TECTA: variants seen among roughly 807,000 people sequenced by gnomAD.
TECTA encodes the protein alpha-tectorin.
In TECTA, 128 loss-of-function variants were observed where a neutral mutation model predicts 216.8. The observed-to-expected ratio is 0.59, with a 90% confidence interval of 0.51 to 0.68. The LOEUF is 0.68. Among genes scored for constraint, TECTA ranks in the 30% least tolerant of loss-of-function variants. The pLI is 0.00. For synonymous variants in TECTA, 1,089 were observed against 1,117.1 expected, an observed-to-expected ratio of 0.97 and a Z score of 0.50; for missense variants, 2,551 against 2,786.2, an observed-to-expected ratio of 0.92 and a Z score of 1.90.
At chr11:121,187,452 A>G (rs959185243) in intron 20 of TECTA, among the ~76,000 whole-genome samples, 3 of 152,242 alleles carry the variant, frequency 2.0e-5, no homozygotes, top group Non-Finnish European at 4.4e-5. Flanking sequence ...TTGATAATTA[A>G]CTGAAGAAAG....
intron 13 of TECTA, among the ~76,000 whole-genome samples, chr11:121,154,260 G>A (rs1321027519): frequency 6.6e-6 from 1 of 152,062 alleles, no homozygotes; most frequent in Non-Finnish European, 1.5e-5. Flanking sequence ...CCCTAACTTC[G>A]GGGATAAATA....
intron 6 of TECTA, among the ~76,000 whole-genome samples, chr11:121,115,522 T>A (rs1365383153): frequency 1.3e-5 from 2 of 152,308 alleles, no homozygotes; most frequent in Admixed American, 1.3e-4. Flanking sequence ...TCCAGACCTC[T>A]AAGGAAGTTT....
At chr11:121,169,658 C>A (rs1412731765) in intron 20 of TECTA, among the ~76,000 whole-genome samples, 2 of 152,212 alleles carry the variant, frequency 1.3e-5, no homozygotes, top group East Asian at 1.9e-4. Flanking sequence ...CAGAGAATTG[C>A]AATTATCACC....
intron 20 of TECTA, among the ~76,000 whole-genome samples, chr11:121,169,920 A>G (rs936806708): frequency 3.3e-5 from 5 of 152,182 alleles, no homozygotes; most frequent in African/African-American, 7.2e-5. Context: ...GTTGTTAACT[A>G]TAGTCACCCT....
Position 121,187,781 on chromosome 11 carries a change from G to A in TECTA, c.6000-51G>A, listed in dbSNP as rs778112402. 8 of 1,604,774 alleles carry A rather than the reference G, an allele frequency of 5.0e-6. No homozygotes were observed. The African/African-American group carries it at 9.4e-5, about 19-fold the overall frequency. On this transcript the variant is annotated intron_variant, in intron 20 of 23. Transcript: ENST00000392793. ...TTTTGAACTGAAGGTGAGGATTAAG[G>A]TGTAAGAGGAAAACATGTGAAGCAA...
rs1013511035 is a variant in TECTA at position 121,113,792 on chromosome 11, G to A, written c.790+74G>A. The A allele has an allele frequency of 1.6e-5, 25 of 1,568,078 alleles. No individual in the cohort carries two copies. The highest frequency in any genetic ancestry group is 3.4e-5 in the South Asian group (3 of 88,176). ...ATTGACAGGCAAGCTTTTAAGCCAC[G>A]GGGGCGGACTCATTCCTGATGCCTT... is the stretch of plus-strand genomic sequence containing the variant. On this transcript the variant is annotated intron_variant, in intron 6 of 23. Coordinates refer to ENST00000392793, the MANE Select transcript of TECTA (RefSeq NM_005422.4). This position sits in a 1 kb window ranked among gnomAD's most constrained non-coding sequence, Gnocchi z 4.2.
Position 121,121,786 on chromosome 11 carries a change from G to A in TECTA, c.1203+3068G>A, listed in dbSNP as rs1221235959. ...AATAAGACTTTGTCCCTTGCTAGCAGGAGCTTAAGTAAGAGCAGAGGAGCC... is the reference window on the plus strand; with the variant it reads ...AATAAGACTTTGTCCCTTGCTAGCAAGAGCTTAAGTAAGAGCAGAGGAGCC... On this transcript the variant is annotated intron_variant, in intron 7 of 23. Coordinates refer to ENST00000392793, the MANE Select transcript of TECTA (RefSeq NM_005422.4). Among the ~76,000 whole-genome samples the A allele has an allele frequency of 2.5e-4, 38 of 152,154 alleles. 1 individual carries two copies. Among genetic ancestry groups the A allele is most frequent in the Admixed American group, 2.5e-3 (38 of 15,284 alleles).
intron 14 of TECTA, 118 bp from the exon 15 acceptor site, chr11:121,160,017 G>A (rs189912190): frequency 7.0e-5 from 80 of 1,148,638 alleles, no homozygotes; most frequent in African/African-American, 4.1e-4. Context: ...GAATGGAGTC[G>A]TTGAGACAGA....
At position 121,190,744 on chromosome 11, in the gene TECTA, C is replaced by T; in HGVS notation, c.6406C>T (p.Leu2136Phe). 6.2e-7 allele frequency: 1 copy of T among 1,613,994 alleles called. No homozygotes were observed. The highest frequency in any genetic ancestry group is 8.5e-7 in the Non-Finnish European group (1 of 1,179,930). The change falls in exon 24 of 24, where the codon CTT (leucine) becomes TTT (phenylalanine). Residue 2136 changes from leucine to phenylalanine, a missense_variant. By Grantham distance (22) the Leu-to-Phe change is conservative. Transcript: ENST00000392793. ...AATGGAACTTCAAGTCTGGACGCTTCTTCTCATCATGATCCAGATTTCATT... is the reference window on the plus strand; with the variant it reads ...AATGGAACTTCAAGTCTGGACGCTTTTTCTCATCATGATCCAGATTTCATT... ...SSMELQVWTL[L>F]LIMIQISLWH...
chr11:121,172,577 C>A (rs1360335543), intron 20 of TECTA, among the ~76,000 whole-genome samples: 5 of 152,076 alleles, frequency 3.3e-5, no homozygotes. Context: ...TTTTCTTAAT[C>A]CAGTCTATCA....
chr11:121,171,764 A>G (rs1947114627), intron 20 of TECTA, among the ~76,000 whole-genome samples: 2 of 152,090 alleles, frequency 1.3e-5, no homozygotes, highest in South Asian at 4.1e-4. Context: ...TGTTGTTTTT[A>G]TGTCCTGCAA....
At chr11:121,107,806 G>T (rs904025788) in intron 3 of TECTA, among the ~76,000 whole-genome samples, 1 of 152,156 alleles carries the variant, frequency 6.6e-6, no homozygotes, top group Admixed American at 6.5e-5. Context: ...TATTTAATTG[G>T]TTTACTAAGC....
At chr11:121,108,557 C>G (rs570094605) in intron 3 of TECTA, among the ~76,000 whole-genome samples, 2 of 148,244 alleles carry the variant, frequency 1.3e-5, no homozygotes, top group South Asian at 4.3e-4. Context: ...CACACCACCC[C>G]CAGTACACAC....
chr11:121,182,474 G>T (rs116238415), intron 20 of TECTA, among the ~76,000 whole-genome samples: 1 of 152,204 alleles, frequency 6.6e-6, no homozygotes, highest in Admixed American at 6.5e-5. Context: ...GGTGGACAGG[G>T]TAGGGCAATC....
At chr11:121,147,630 AG>A (rs1369928272) in intron 12 of TECTA, among the ~76,000 whole-genome samples, 1 of 152,180 alleles carries the variant, frequency 6.6e-6, no homozygotes, top group Non-Finnish European at 1.5e-5. Context: ...AGGACCAGAG[AG>A]CTTGTCTTCC....
rs1302095985 is a variant in TECTA at position 121,101,329 on chromosome 11, T to C, written c.-115T>C. ...ACATTATTTCAGGAATCAGAAATTA[T>C]TGGCAACAAGTTGAGGAGAACTGAC... On this transcript the variant is annotated 5_prime_UTR_variant, in exon 1 of 24. Transcript: ENST00000392793. 1 of 152,230 alleles carries C rather than the reference T, an allele frequency of 6.6e-6. No individual in the cohort carries two copies. Among genetic ancestry groups the C allele is most frequent in the Non-Finnish European group, 1.5e-5 (1 of 68,036 alleles). 9.4% of individuals were successfully genotyped at this position (152,230 alleles called of 1,614,324 possible).
chr11:121,120,008 T>C (rs916408382), intron 7 of TECTA, among the ~76,000 whole-genome samples: 1 of 152,252 alleles, frequency 6.6e-6, no homozygotes, highest in Non-Finnish European at 1.5e-5. Flanking sequence ...TGTAGATAGA[T>C]GCTGGCATTT....
At position 121,127,853 on chromosome 11, in the gene TECTA, C is replaced by T. The variant is rs1413793578; in HGVS notation, c.1876C>T (p.Pro626Ser). The T allele has an allele frequency of 6.2e-7, 1 of 1,614,100 alleles. No homozygotes were observed. Among genetic ancestry groups the T allele is most frequent in the Non-Finnish European group, 8.5e-7 (1 of 1,180,032 alleles). ...GACGGCCTCGCGGAACTGCGCCACG[C>T]CGTGCACAGAGGGCTGCGAGTGCAA... Reference protein sequence around the residue: ...DLTASRNCATPCTEGCECNQG... With the variant: ...DLTASRNCATSCTEGCECNQG... Residue 626 changes from proline (P) to serine (S), a missense_variant, in exon 9 of 24, where the codon CCG becomes TCG. This residue lies in a region of TECTA where 2,375 missense variants were observed against 2,563.9 expected (regional missense o/e 0.93). Transcript: ENST00000392793. This position sits in a 1 kb window ranked among gnomAD's most constrained non-coding sequence, Gnocchi z 5.0.
intron 7 of TECTA, among the ~76,000 whole-genome samples, chr11:121,123,240 C>T (rs916854230): frequency 1.3e-5 from 2 of 152,156 alleles, no homozygotes; most frequent in African/African-American, 2.4e-5. Context: ...GCATGGATGT[C>T]CATAGGTGCT....
Sources: gnomAD v4.1 joint callset for allele counts (sites outside exome capture counted in the v4.1 genomes callset) on GRCh38, gnomAD v4.1.1 for gene constraint, gnomAD v4.1.1 regional missense constraint, Gnocchi (gnomAD v3.1) non-coding constraint, MANE v1.5 for transcripts, NCBI Gene and HGNC (gene_info 2026-07-23, HGNC 2026-07-21) for gene names.